CAMK2A: variants seen among roughly 807,000 people sequenced by gnomAD.
The protein encoded by CAMK2A is calcium/calmodulin-dependent protein kinase type II subunit alpha.
In CAMK2A, 7 loss-of-function variants were observed where a neutral mutation model predicts 79.2. That is an observed-to-expected ratio of 0.09 (90% CI 0.05 to 0.17). The LOEUF is 0.17. Among genes scored for constraint, CAMK2A ranks in the 10% least tolerant of loss-of-function variants. CAMK2A has a pLI of 1.00. For synonymous variants in CAMK2A, 242 were observed against 251.7 expected, an observed-to-expected ratio of 0.96 and a Z score of 0.36; for missense variants, 214 against 646.4, an observed-to-expected ratio of 0.33 and a Z score of 7.25.
rs1266515365 is a variant in CAMK2A, at chr5:150,256,882, C to T, written c.273-51G>A. On this transcript the variant is annotated intron_variant, in intron 4 of 18. Transcript: ENST00000671881. The surrounding 1 kb of genome is among the most constrained non-coding windows in gnomAD (Gnocchi z 4.6). ...CTCTAATAGAGGCGACAGGTGCTGC[C>T]TCATCTGGAGGAGTCTCCAGGAAAC... The T allele has an allele frequency of 6.6e-7, 1 of 1,509,264 alleles. No individual in the cohort carries two copies. The highest frequency in any genetic ancestry group is 9.1e-7 in the Non-Finnish European group (1 of 1,095,780). 93.5% of individuals were successfully genotyped at this position (1,509,264 alleles called of 1,614,324 possible). A position where few individuals can be genotyped will look rare whatever the true frequency, so the allele number is the denominator to read the frequency against.
At chr5:150,244,594 G>A (rs1755480062) in intron 13 of CAMK2A, among the ~76,000 whole-genome samples, 1 of 152,218 alleles carries the variant, frequency 6.6e-6, no homozygotes, top group Non-Finnish European at 1.5e-5. Flanking sequence ...GGGCTCTAGG[G>A]GTGGGACAGG....
intron 2 of CAMK2A, among the ~76,000 whole-genome samples, chr5:150,272,221 A>G (rs1285726496): frequency 2.6e-5 from 4 of 152,190 alleles, no homozygotes; most frequent in African/African-American, 4.8e-5. Flanking sequence ...ATCAGTAAAC[A>G]GGATGAGTCT....
intron 2 of CAMK2A, among the ~76,000 whole-genome samples, chr5:150,265,934 C>CAA (rs56772676): frequency 4.1e-4 from 34 of 83,618 alleles, no homozygotes; most frequent in Middle Eastern, 6.6e-3. Context: ...GACTTCATCT[C>CAA]AAAAAAAAAA....
chr5:150,286,277 T>C (rs1440344778), intron 1 of CAMK2A, among the ~76,000 whole-genome samples: 1 of 152,200 alleles, frequency 6.6e-6, no homozygotes, highest in East Asian at 1.9e-4. Flanking sequence ...TCTGAATTCA[T>C]ATGCTTCAAT....
chr5:150,248,832 A>T (rs1336390724), intron 11 of CAMK2A, among the ~76,000 whole-genome samples: 1 of 152,088 alleles, frequency 6.6e-6, no homozygotes, highest in Non-Finnish European at 1.5e-5. Flanking sequence ...ATGATTTATA[A>T]TCTTTTGAAT....
intron 15 of CAMK2A, among the ~76,000 whole-genome samples, chr5:150,233,165 A>G (rs970279643): frequency 5.3e-5 from 8 of 152,190 alleles, no homozygotes; most frequent in African/African-American, 1.9e-4. Flanking sequence ...ATGAATGAAT[A>G]AGTGTACCAG....
rs971178959 is a variant in CAMK2A at position 150,231,298 on chromosome 5, G to A, written c.1142+7C>T. ...CAGGACATGCAGAATGAGCCCAGCT[G>A]ACTCACGTGTAGGACTCAAAATCTC... On this transcript the variant is annotated splice_region_variant and intron_variant, in intron 16 of 18. Coordinates refer to ENST00000671881, the MANE Select transcript of CAMK2A (RefSeq NM_015981.4). The A allele has an allele frequency of 1.9e-6, 3 of 1,556,292 alleles. No individual in the cohort carries two copies. Among genetic ancestry groups the A allele is most frequent in the East Asian group, 2.3e-5 (1 of 43,384 alleles).
intron 16 of CAMK2A, among the ~76,000 whole-genome samples, 192 bp from the exon 17 acceptor site, chr5:150,228,478 G>A (rs1180434329): frequency 6.6e-6 from 1 of 152,310 alleles, no homozygotes; most frequent in South Asian, 2.1e-4. Context: ...ATCTAGATCC[G>A]GGAAGCCTGG....
At chr5:150,260,178 C>T (rs1387664627) in intron 3 of CAMK2A, among the ~76,000 whole-genome samples, 2 of 151,884 alleles carry the variant, frequency 1.3e-5, no homozygotes, top group Admixed American at 6.6e-5. Flanking sequence ...GTGTATTGGC[C>T]GGGCACAGTG....
In CAMK2A at chr5:150,223,733, G is replaced by T. The variant is rs1176758316; in HGVS notation, c.1238-516C>A. On this transcript the variant is annotated intron_variant, in intron 17 of 18. Coordinates refer to ENST00000671881, the MANE Select transcript of CAMK2A (RefSeq NM_015981.4). This position sits in a 1 kb window ranked among gnomAD's most constrained non-coding sequence, Gnocchi z 4.1. The stretch of plus-strand genomic sequence containing the variant: ...GGGCATCCTGCACACAGCTTCCCTG[G>T]TGGTTGCCATGTGAGTGAGACCAGT... Among the ~76,000 whole-genome samples, 2 of 152,216 alleles carry T rather than the reference G, an allele frequency of 1.3e-5. No individual in the cohort carries two copies. Among genetic ancestry groups the T allele is most frequent in the Non-Finnish European group, 2.9e-5 (2 of 68,038 alleles).
intron 1 of CAMK2A, among the ~76,000 whole-genome samples, chr5:150,277,454 C>G (rs1580952477): frequency 6.6e-6 from 1 of 152,222 alleles, no homozygotes; most frequent in African/African-American, 2.4e-5. Context: ...CTGACAGGCC[C>G]CATGAGCCTG....
chr5:150,273,167 G>A lies in CAMK2A; in HGVS notation c.63-8C>T. On this transcript the variant is annotated splice_polypyrimidine_tract_variant and splice_region_variant and intron_variant, in intron 1 of 18. Coordinates refer to ENST00000671881, the MANE Select transcript of CAMK2A (RefSeq NM_015981.4). ...ACCACCGAGAAGGCTCCCCTAGGAG[G>A]ACAGAGAAGGTGGAGAGGGTGAGGG... is the stretch of plus-strand genomic sequence containing the variant. 1 of 1,609,676 alleles carries A rather than the reference G, an allele frequency of 6.2e-7. No homozygotes were observed. The highest frequency in any genetic ancestry group is 8.5e-7 in the Non-Finnish European group (1 of 1,176,696).
In CAMK2A at chr5:150,223,532, G is replaced by C. The variant is rs1242524420; in HGVS notation, c.1238-315C>G. ...CCTAGAGGATCATAGAACCAGAAGAGCTGTGAGCACAGTCTCAAATCCGGA... is the reference window on the plus strand; with the variant it reads ...CCTAGAGGATCATAGAACCAGAAGACCTGTGAGCACAGTCTCAAATCCGGA... On this transcript the variant is annotated intron_variant, in intron 17 of 18. Coordinates refer to ENST00000671881, the MANE Select transcript of CAMK2A (RefSeq NM_015981.4). The surrounding 1 kb of genome is among the most constrained non-coding windows in gnomAD (Gnocchi z 4.1). Among the ~76,000 whole-genome samples, 2 of 152,188 alleles carry C rather than the reference G, an allele frequency of 1.3e-5. No homozygotes were observed. Among genetic ancestry groups the C allele is most frequent in the Non-Finnish European group, 2.9e-5 (2 of 68,022 alleles).
At chr5:150,224,520 C>T (rs1194450594) in intron 17 of CAMK2A, among the ~76,000 whole-genome samples, 1 of 151,966 alleles carries the variant, frequency 6.6e-6, no homozygotes, top group African/African-American at 2.4e-5. Context: ...CCAATAACAC[C>T]CATCCCCTAA....
At chr5:150,248,181 G>A (rs555397012) in intron 11 of CAMK2A, among the ~76,000 whole-genome samples, 7 of 152,068 alleles carry the variant, frequency 4.6e-5, no homozygotes, top group Middle Eastern at 3.4e-3. Flanking sequence ...AGCAGACCTC[G>A]TGTCCCCCAA....
chr5:150,261,712 G>T (rs1756312879), intron 3 of CAMK2A, among the ~76,000 whole-genome samples: 1 of 152,152 alleles, frequency 6.6e-6, no homozygotes, highest in Admixed American at 6.5e-5. Flanking sequence ...GGGAACAAGG[G>T]CTCTGGAGTC....
intron 1 of CAMK2A, among the ~76,000 whole-genome samples, chr5:150,287,935 CTCTGTG>C (rs1757492849): frequency 8.7e-6 from 1 of 114,390 alleles, no homozygotes; most frequent in African/African-American, 3.6e-5. Flanking sequence ...GTAGGATAGC[CTCTGTG>C]TGTGTGTGTG....
chr5:150,282,853 T>G (rs1757272153), intron 1 of CAMK2A, among the ~76,000 whole-genome samples: 2 of 152,246 alleles, frequency 1.3e-5, no homozygotes, highest in Non-Finnish European at 2.9e-5. Context: ...TTTGCACATC[T>G]CTGCTGCCAG....
At chr5:150,241,801 C>T (rs926625338) in intron 13 of CAMK2A, among the ~76,000 whole-genome samples, 28 of 144,424 alleles carry the variant, frequency 1.9e-4, no homozygotes, top group African/African-American at 7.8e-4. Flanking sequence ...TCCTCCTCCT[C>T]TCTCTCTTCC....
Sources: allele counts gnomAD v4.1 joint callset (sites outside exome capture counted in the v4.1 genomes callset), GRCh38; gene constraint gnomAD v4.1.1; non-coding constraint Gnocchi (gnomAD v3.1); transcripts MANE v1.5; gene names NCBI Gene and HGNC (gene_info 2026-07-23, HGNC 2026-07-21).